Variants in TRIM14 observed in about 807,000 individuals in gnomAD.
TRIM14 encodes the protein tripartite motif-containing protein 14.
Under a neutral mutation model 44.5 loss-of-function variants are expected in TRIM14, and 28 were observed. The ratio of observed to expected loss-of-function variants is 0.63; its 90% CI spans 0.47 to 0.86. The LOEUF (loss-of-function observed/expected upper bound fraction) is 0.86, where lower values mean the gene tolerates loss of function less well. Among genes scored for constraint, TRIM14 ranks in the 40% least tolerant of loss-of-function variants. TRIM14 has a pLI of 0.00. For missense variants in TRIM14, 607 were observed against 611.1 expected (o/e 0.99, Z 0.07); for synonymous variants, 299 against 269.2 (o/e 1.11, Z -1.08).
the TRIM14 span, among the ~76,000 whole-genome samples, chr9:98,053,168 T>A: frequency 1.3e-5 from 2 of 152,192 alleles, no homozygotes; most frequent in Non-Finnish European, 2.9e-5. Flanking sequence ...TGCCAAAGCC[T>A]TAGTACTGAG....
the TRIM14 span, among the ~76,000 whole-genome samples, chr9:98,052,398 G>C: frequency 1.3e-5 from 2 of 151,670 alleles, no homozygotes; most frequent in African/African-American, 4.8e-5. Context: ...GAAGAGAAAA[G>C]AAAACAAACA....
chr9:98,071,951 G>T (rs1261940777), intron 6 of TRIM14, among the ~76,000 whole-genome samples: 1 of 152,226 alleles, frequency 6.6e-6, no homozygotes, highest in African/African-American at 2.4e-5. Flanking sequence ...GGTGGCATCG[G>T]TTGAGAACCC....
At chr9:98,065,483 ATTTTT>A (rs397837187), downstream of TRIM14, among the ~76,000 whole-genome samples, 34 of 58,632 alleles carry the variant, frequency 5.8e-4, no homozygotes, top group Admixed American at 2.9e-3. Context: ...TGCCCAGCTA[ATTTTT>A]TTTTTTTTTT....
At chr9:98,114,508 G>T (rs964996900) in intron 1 of TRIM14, among the ~76,000 whole-genome samples, 3 of 151,974 alleles carry the variant, frequency 2.0e-5, no homozygotes, top group Non-Finnish European at 4.4e-5. Flanking sequence ...TAATTTTTTT[G>T]TATTTTTAGT....
At chr9:98,037,146 G>A in the TRIM14 span, among the ~76,000 whole-genome samples, 1 of 152,200 alleles carries the variant, frequency 6.6e-6, no homozygotes, top group East Asian at 1.9e-4. Context: ...GGGAGGCTGA[G>A]GCAGGAGGAT....
Position 98,099,958 on chromosome 9 carries a change from C to G in TRIM14, c.510G>C (p.Gln170His). 6.2e-7 allele frequency: 1 copy of G among 1,613,744 alleles called. No individual in the cohort carries two copies. Among genetic ancestry groups the G allele is most frequent in the Non-Finnish European group, 8.5e-7 (1 of 1,180,020 alleles). Reference sequence around the variant, plus strand: ...GAAGCCTCTGGACAGGATCGGGCTCCTGGCTGATACTCCAGACCCTGTTGG... The same window carrying G: ...GAAGCCTCTGGACAGGATCGGGCTCGTGGCTGATACTCCAGACCCTGTTGG... ...DLSNRVWSIS[Q>H]EPDPVQRLQA... The change falls in exon 3 of 6, where the codon CAG (glutamine) becomes CAC (histidine). Residue 170 changes from glutamine to histidine, a missense_variant. Transcript: ENST00000341469.
the TRIM14 span, among the ~76,000 whole-genome samples, chr9:98,046,260 G>T: frequency 6.6e-6 from 1 of 152,010 alleles, no homozygotes; most frequent in Non-Finnish European, 1.5e-5. Context: ...ACTTATACAT[G>T]CGTAAGTATT....
the TRIM14 span, among the ~76,000 whole-genome samples, chr9:98,053,627 G>C: frequency 1.5e-5 from 2 of 136,990 alleles, no homozygotes; most frequent in Non-Finnish European, 3.0e-5. Context: ...AGGAGACAGT[G>C]ATGTTTAACA....
Position 98,103,952 on chromosome 9 carries a change from G to A in TRIM14, c.304-3788C>T, listed in dbSNP as rs112015638. Among the ~76,000 whole-genome samples the A allele has an allele frequency of 9.1e-3, 1,390 of 152,290 alleles. 19 individuals are homozygous for A. The highest frequency in any genetic ancestry group is 0.032 in the African/African-American group (1,316 of 41,554). ...CCCAGCCAGTCACGAGGGGTGGGCA[G>A]GCTCCCGTGATACCGTGTTCTCAGG... On this transcript the variant is annotated intron_variant, in intron 2 of 5. Coordinates refer to ENST00000341469, the MANE Select transcript of TRIM14 (RefSeq NM_014788.4).
chr9:98,100,742 T>C (rs1826359934), intron 2 of TRIM14, among the ~76,000 whole-genome samples: 1 of 152,140 alleles, frequency 6.6e-6, no homozygotes, highest in African/African-American at 2.4e-5. Flanking sequence ...TCAAATTATA[T>C]ATGGAAATGT....
chr9:98,080,971 G>A (rs751783502), downstream of TRIM14: 26 of 1,614,054 alleles, frequency 1.6e-5, no homozygotes, highest in South Asian at 7.7e-5. Flanking sequence ...ACTCGGCCTC[G>A]CTGGAGCCTG....
rs941306153 is a variant in TRIM14, at chr9:98,095,956, A to G, written c.538-927T>C. 1.3e-5 allele frequency among the ~76,000 whole-genome samples: 2 copies of G among 152,152 alleles called. No individual in the cohort carries two copies. The highest frequency in any genetic ancestry group is 2.9e-5 in the Non-Finnish European group (2 of 68,028). Reference sequence around the variant, plus strand: ...TATGGGCTATCTCATACTCTTCCATAAACTCCTTTCTTGCTTAAAACAGTT... The same window carrying G: ...TATGGGCTATCTCATACTCTTCCATGAACTCCTTTCTTGCTTAAAACAGTT... On this transcript the variant is annotated intron_variant, in intron 3 of 5. Transcript: ENST00000341469. This position sits in a 1 kb window ranked among gnomAD's most constrained non-coding sequence, Gnocchi z 4.1.
the TRIM14 span, among the ~76,000 whole-genome samples, chr9:98,051,638 A>C: frequency 6.6e-6 from 1 of 152,134 alleles, no homozygotes; most frequent in Non-Finnish European, 1.5e-5. Context: ...CCTGGCAATG[A>C]TTTCTTTAAC....
downstream of TRIM14, chr9:98,080,701 C>T (rs760712680): frequency 2.1e-5 from 25 of 1,207,456 alleles, no homozygotes; most frequent in Non-Finnish European, 2.7e-5. Context: ...TATCTTGCCC[C>T]TGGCTGCACA....
At chr9:98,042,687 C>G in the TRIM14 span, among the ~76,000 whole-genome samples, 1 of 151,996 alleles carries the variant, frequency 6.6e-6, no homozygotes, top group Admixed American at 6.6e-5. Flanking sequence ...CTGGCCAACA[C>G]GGTGAAACCC....
intron 1 of TRIM14, among the ~76,000 whole-genome samples, chr9:98,112,729 T>G (rs748750347): frequency 7.6e-6 from 1 of 131,316 alleles, no homozygotes; most frequent in Admixed American, 9.0e-5. Flanking sequence ...ATCTGGGAGG[T>G]GGAGGTTGCA....
chr9:98,040,782 G>A, the TRIM14 span, among the ~76,000 whole-genome samples: 5 of 151,762 alleles, frequency 3.3e-5, no homozygotes, highest in South Asian at 4.2e-4. Flanking sequence ...TCAGCCTCCC[G>A]GGTAGCTAGG....
chr9:98,075,790 C>G (rs918182628), intron 6 of TRIM14: 1 of 152,012 alleles, frequency 6.6e-6, no homozygotes, highest in African/African-American at 2.4e-5. Flanking sequence ...TACTTAAGTC[C>G]CAACTCACCA....
At chr9:98,054,621 A>G in the TRIM14 span, among the ~76,000 whole-genome samples, 1 of 152,206 alleles carries the variant, frequency 6.6e-6, no homozygotes, top group Non-Finnish European at 1.5e-5. Flanking sequence ...ACACCTTGCC[A>G]TGGAGCTCTA....
Sources: gnomAD v4.1 joint callset for allele counts (sites outside exome capture counted in the v4.1 genomes callset) on GRCh38, gnomAD v4.1.1 for gene constraint, Gnocchi (gnomAD v3.1) non-coding constraint, MANE v1.5 for transcripts, NCBI Gene and HGNC (gene_info 2026-07-23, HGNC 2026-07-21) for gene names.